Variants in CPB2 observed in about 807,000 individuals in gnomAD.
CPB2 encodes carboxypeptidase B-like protein.
In CPB2, 54 loss-of-function variants were observed where a neutral mutation model predicts 57.0. The observed-to-expected ratio is 0.95, with a 90% CI of 0.76 to 1.19. The LOEUF (loss-of-function observed/expected upper bound fraction) is 1.19, where lower values mean the gene tolerates loss of function less well. Ranked by LOEUF, CPB2 falls within the 50% of genes most tolerant of loss-of-function variation. CPB2 has a pLI of 0.00. For missense variants in CPB2, 426 were observed against 512.0 expected, an observed-to-expected ratio of 0.83 and a Z score of 1.62; for synonymous variants, 189 against 178.1, an observed-to-expected ratio of 1.06 and a Z score of -0.49.
At chr13:46,092,646 C>T (rs2139413983) in intron 1 of CPB2, among the ~76,000 whole-genome samples, 1 of 152,198 alleles carries the variant, frequency 6.6e-6, no homozygotes, top group East Asian at 1.9e-4. Context: ...TGGGTAAAGG[C>T]ACAATAGCAA....
intron 10 of CPB2, among the ~76,000 whole-genome samples, 175 bp from the exon 11 acceptor site, chr13:46,053,973 G>A (rs966764773): frequency 1.3e-5 from 2 of 151,798 alleles, no homozygotes; most frequent in Admixed American, 6.6e-5. Context: ...TTGCTTCTTT[G>A]TCTCTTTAGA....
At chr13:46,065,984 C>T (rs1300413693) in intron 7 of CPB2, among the ~76,000 whole-genome samples, 1 of 152,178 alleles carries the variant, frequency 6.6e-6, no homozygotes, top group African/African-American at 2.4e-5. Context: ...CTAGGTAATT[C>T]TCATTTACTT....
At chr13:46,078,597 A>C (rs1029271656) in intron 5 of CPB2, among the ~76,000 whole-genome samples, 2 of 152,210 alleles carry the variant, frequency 1.3e-5, no homozygotes, top group Non-Finnish European at 2.9e-5. Flanking sequence ...GGAGGAGATT[A>C]GGACATACAG....
intron 2 of CPB2, among the ~76,000 whole-genome samples, chr13:46,086,996 G>A (rs1271091282): frequency 6.6e-6 from 1 of 152,234 alleles, no homozygotes; most frequent in Non-Finnish European, 1.5e-5. Context: ...AGGCACTTGC[G>A]AGCCTGTAGG....
chr13:46,096,240 C>T (rs1290933183), intron 1 of CPB2: 1 of 152,370 alleles, frequency 6.6e-6, no homozygotes, highest in African/African-American at 2.4e-5. Flanking sequence ...CTGAAATGTT[C>T]CCTACCTGCT....
chr13:46,058,358 A>C lies in CPB2; in HGVS notation c.820T>G (p.Cys274Gly). The change falls in exon 9 of 11, where the codon TGC (cysteine) becomes GGC (glycine). Residue 274 changes from cysteine (C) to glycine (G), a missense_variant. By Grantham distance (159) the Cys-to-Gly change is radical. Coordinates refer to ENST00000181383, the MANE Select transcript of CPB2 (RefSeq NM_001872.5). ...TAAAGTCCACAGTAGGTTTCCGAGCATGAGGAACTGGATGCACCTTCCTCT... is the reference window on the plus strand; with the variant it reads ...TAAAGTCCACAGTAGGTTTCCGAGCCTGAGGAACTGGATGCACCTTCCTCT... ...WCEEGASSSS[C>G]SETYCGLYPE... The C allele has an allele frequency of 6.2e-7, 1 of 1,614,100 alleles. No homozygotes were observed. Among genetic ancestry groups the C allele is most frequent in the Non-Finnish European group, 8.5e-7 (1 of 1,179,966 alleles).
In CPB2 at chr13:46,058,327, T is replaced by C; in HGVS notation, c.851A>G (p.Glu284Gly). The C allele has an allele frequency of 6.2e-7, 1 of 1,614,150 alleles. No homozygotes were observed. The highest frequency in any genetic ancestry group is 8.5e-7 in the Non-Finnish European group (1 of 1,179,988). ...CACTGCCTTCACTTCTGGTTCTGAC[T>C]CAGGATAAAGTCCACAGTAGGTTTC... ...CSETYCGLYP[E>G]SEPEVKAVAS... Residue 284 changes from glutamate (E) to glycine (G), a missense_variant, in exon 9 of 11, where the codon GAG (glutamate) becomes GGG (glycine). Physicochemically the swap from Glu to Gly is moderately conservative, Grantham distance 98. Transcript: ENST00000181383.
chr13:46,088,897 T>C (rs2045249455), intron 1 of CPB2, among the ~76,000 whole-genome samples: 1 of 152,000 alleles, frequency 6.6e-6, no homozygotes, highest in Non-Finnish European at 1.5e-5. Flanking sequence ...TTATATATTC[T>C]AAATACTAAT....
intron 4 of CPB2, among the ~76,000 whole-genome samples, chr13:46,081,486 G>T (rs1002042342): frequency 2.0e-5 from 3 of 151,988 alleles, no homozygotes; most frequent in African/African-American, 7.3e-5. Context: ...ATTAAAAAAG[G>T]GGGGGTGCAA....
chr13:46,070,764 A>G (rs1263125641), intron 6 of CPB2, among the ~76,000 whole-genome samples: 1 of 152,222 alleles, frequency 6.6e-6, no homozygotes, highest in Non-Finnish European at 1.5e-5. Context: ...TCCAATCTCT[A>G]TATATGTATG....
intron 9 of CPB2, 101 bp from the exon 10 acceptor site, chr13:46,055,950 T>C: frequency 1.6e-6 from 1 of 609,420 alleles, no homozygotes; most frequent in South Asian, 2.6e-5. Context: ...AATCAAAGTA[T>C]ACAGGTAGAA....
intron 6 of CPB2, among the ~76,000 whole-genome samples, chr13:46,067,781 G>C (rs930186089): frequency 6.6e-6 from 1 of 152,178 alleles, no homozygotes; most frequent in Non-Finnish European, 1.5e-5. Context: ...GTTCATCAGA[G>C]CTTAAACTAC....
chr13:46,078,584 G>A (rs1378924646), intron 5 of CPB2, among the ~76,000 whole-genome samples: 1 of 152,138 alleles, frequency 6.6e-6, no homozygotes, highest in African/African-American at 2.4e-5. Flanking sequence ...TGGTGTCCTT[G>A]TGGGAGGAGA....
At chr13:46,073,106 A>T (rs1321018352) in intron 6 of CPB2, among the ~76,000 whole-genome samples, 1 of 152,242 alleles carries the variant, frequency 6.6e-6, no homozygotes, top group Non-Finnish European at 1.5e-5. Flanking sequence ...GATGTACTTA[A>T]TAAGTGCCAA....
chr13:46,057,237 G>A (rs2044709406), intron 9 of CPB2, among the ~76,000 whole-genome samples: 1 of 151,104 alleles, frequency 6.6e-6, no homozygotes. Context: ...TAATATTTTT[G>A]AAAGGTGCTT....
chr13:46,104,048 A>G (rs2045466417), intron 1 of CPB2, among the ~76,000 whole-genome samples: 1 of 152,252 alleles, frequency 6.6e-6, no homozygotes. Flanking sequence ...CAGGCTCACA[A>G]GTCAAGATCT....
At position 46,095,876 on chromosome 13, in the gene CPB2, CT is replaced by C. The variant is rs34686626; in HGVS notation, c.75-8057del. 2.4e-3 allele frequency among the ~76,000 whole-genome samples: 210 copies of C among 85,736 alleles called. 2 individuals carry two copies. Among genetic ancestry groups the C allele is most frequent in the Middle Eastern group, 9.4e-3 (1 of 106 alleles). The allele number at this position is 85,736 out of a possible 152,430, so 56.2% of individuals were successfully genotyped here. ...CTGATGTGTGACTCTGGCTATAGGACTTTTTTTTTTTTTTTTTTTTTTGAGA... is the reference window on the plus strand; with the variant it reads ...CTGATGTGTGACTCTGGCTATAGGACTTTTTTTTTTTTTTTTTTTTTGAGA... On this transcript the variant is annotated intron_variant, in intron 1 of 10. Transcript: ENST00000181383.
At chr13:46,079,551 A>AAAGAAAAG (rs56271507) in intron 4 of CPB2, among the ~76,000 whole-genome samples, 39 of 124,752 alleles carry the variant, frequency 3.1e-4, no homozygotes, top group East Asian at 1.7e-3. Flanking sequence ...AAAAAAAAAA[A>AAAGAAAAG]AAAAGAAAAG....
At chr13:46,093,360 G>A (rs928516256) in intron 1 of CPB2, among the ~76,000 whole-genome samples, 6 of 152,134 alleles carry the variant, frequency 3.9e-5, no homozygotes, top group Non-Finnish European at 7.4e-5. Flanking sequence ...TCAATCTCTG[G>A]TACAAGTTTA....
Sources: allele counts gnomAD v4.1 joint callset (sites outside exome capture counted in the v4.1 genomes callset), GRCh38; gene constraint gnomAD v4.1.1; transcripts MANE v1.5; gene names NCBI Gene and HGNC (gene_info 2026-07-23, HGNC 2026-07-21).